Variants in RSRC1 observed in about 807,000 individuals in gnomAD.
RSRC1 encodes arginine and serine rich coiled-coil 1.
In RSRC1, 39 loss-of-function variants were observed where a neutral mutation model predicts 49.1. That is an observed-to-expected ratio of 0.79 (90% confidence interval 0.61 to 1.04). The LOEUF (loss-of-function observed/expected upper bound fraction) is 1.04, where lower values mean the gene tolerates loss of function less well. Ranked by LOEUF, RSRC1 falls within the 50% of genes least tolerant of loss-of-function variation. RSRC1 has a pLI of 0.00. For synonymous variants in RSRC1, 143 were observed against 130.8 expected (o/e 1.09, Z -0.63); for missense variants, 388 against 402.4 (o/e 0.96, Z 0.31).
intron 7 of RSRC1, among the ~76,000 whole-genome samples, chr3:158,475,184 A>G (rs750376562): frequency 1.3e-5 from 2 of 152,090 alleles, no homozygotes; most frequent in Non-Finnish European, 2.9e-5. Context: ...TCGAACTCCC[A>G]AAGTGCTGGG....
intron 5 of RSRC1, among the ~76,000 whole-genome samples, chr3:158,317,047 C>G (rs767074738): frequency 2.0e-5 from 3 of 152,150 alleles, no homozygotes; most frequent in Non-Finnish European, 4.4e-5. Context: ...GACATTTGGA[C>G]AGGCCTCCTC....
chr3:158,126,741 C>G (rs1184832773), intron 3 of RSRC1, among the ~76,000 whole-genome samples: 2 of 152,062 alleles, frequency 1.3e-5, no homozygotes, highest in East Asian at 3.9e-4. Flanking sequence ...CAGGACTCCT[C>G]TTAGTATTTC....
At chr3:158,290,807 T>C (rs1047575460) in intron 4 of RSRC1, among the ~76,000 whole-genome samples, 1 of 152,202 alleles carries the variant, frequency 6.6e-6, no homozygotes, top group Non-Finnish European at 1.5e-5. Context: ...AAATTAACTA[T>C]GATCTTAGCT....
intron 4 of RSRC1, among the ~76,000 whole-genome samples, chr3:158,221,237 C>T (rs541666963): frequency 4.5e-4 from 68 of 151,666 alleles, no homozygotes; most frequent in African/African-American, 1.6e-3. Flanking sequence ...AAGTGTGCTG[C>T]TCTTTTCTTA....
At chr3:158,380,574 T>C (rs1185548070) in intron 6 of RSRC1, among the ~76,000 whole-genome samples, 1 of 152,218 alleles carries the variant, frequency 6.6e-6, no homozygotes, top group Admixed American at 6.5e-5. Context: ...ATTTTATTAA[T>C]CTCTAGTTTG....
chr3:158,386,673 A>G (rs1019463503), intron 6 of RSRC1, among the ~76,000 whole-genome samples: 3 of 152,084 alleles, frequency 2.0e-5, no homozygotes, highest in Non-Finnish European at 2.9e-5. Flanking sequence ...GACTTTCATC[A>G]GAATCCATGT....
chr3:158,113,469 A>G (rs934074159), intron 1 of RSRC1, among the ~76,000 whole-genome samples: 1 of 151,660 alleles, frequency 6.6e-6, no homozygotes. Flanking sequence ...CCCTGGTTCA[A>G]GCAACTCTCC....
At chr3:158,491,838 C>G (rs1400046461) in intron 7 of RSRC1, among the ~76,000 whole-genome samples, 2 of 152,078 alleles carry the variant, frequency 1.3e-5, no homozygotes, top group African/African-American at 4.8e-5. Context: ...GTCATTTATC[C>G]AGAGGTTTTG....
intron 4 of RSRC1, among the ~76,000 whole-genome samples, chr3:158,254,657 C>A (rs1724428264): frequency 6.6e-6 from 1 of 152,084 alleles, no homozygotes; most frequent in African/African-American, 2.4e-5. Flanking sequence ...TGTTCTTGAT[C>A]TTCTGATCTC....
intron 4 of RSRC1, among the ~76,000 whole-genome samples, chr3:158,232,025 CTTG>C (rs930276277): frequency 2.6e-5 from 4 of 152,046 alleles, no homozygotes; most frequent in African/African-American, 9.7e-5. Context: ...TAAAATGTCA[CTTG>C]TTGTTACTTT....
chr3:158,267,145 CT>C (rs1725236479), intron 4 of RSRC1, among the ~76,000 whole-genome samples: 1 of 152,046 alleles, frequency 6.6e-6, no homozygotes, highest in African/African-American at 2.4e-5. Context: ...TTTTTCTTTC[CT>C]CATCACTTTG....
chr3:158,289,768 A>T (rs73029899), intron 4 of RSRC1, among the ~76,000 whole-genome samples: 2,570 of 152,338 alleles, frequency 0.017, 66 homozygotes, highest in African/African-American at 0.059. Flanking sequence ...AAGCATTTTT[A>T]AAAATTGAGT....
intron 6 of RSRC1, among the ~76,000 whole-genome samples, chr3:158,400,813 T>C (rs1009804956): frequency 3.9e-5 from 6 of 152,046 alleles, no homozygotes; most frequent in Admixed American, 6.6e-5. Flanking sequence ...CCTAAGTATA[T>C]AGTGTTTATA....
chr3:158,408,853 G>A (rs1734282458), intron 6 of RSRC1, among the ~76,000 whole-genome samples: 1 of 151,932 alleles, frequency 6.6e-6, no homozygotes, highest in African/African-American at 2.4e-5. Flanking sequence ...CCAACATGGT[G>A]AGACCCCCGT....
intron 6 of RSRC1, among the ~76,000 whole-genome samples, chr3:158,359,984 C>T (rs1175075524): frequency 6.6e-6 from 1 of 152,024 alleles, no homozygotes; most frequent in Non-Finnish European, 1.5e-5. Flanking sequence ...CTCCTCTCTG[C>T]TAGGCAGGTG....
At chr3:158,175,098 T>C (rs935154039) in intron 3 of RSRC1, among the ~76,000 whole-genome samples, 1 of 152,130 alleles carries the variant, frequency 6.6e-6, no homozygotes, top group African/African-American at 2.4e-5. Flanking sequence ...CATGTTTTAG[T>C]TGGCCATGTG....
intron 4 of RSRC1, among the ~76,000 whole-genome samples, chr3:158,266,664 AT>A (rs1725197098): frequency 6.6e-6 from 1 of 152,128 alleles, no homozygotes; most frequent in African/African-American, 2.4e-5. Context: ...ACTTGTTAAA[AT>A]GCATCTTTAG....
intron 3 of RSRC1, among the ~76,000 whole-genome samples, chr3:158,142,022 G>A (rs1047159749): frequency 2.6e-5 from 4 of 152,032 alleles, no homozygotes; most frequent in African/African-American, 7.2e-5. Context: ...CGCTTGAACC[G>A]AGGAGGCAGA....
At chr3:158,434,942 G>A (rs1048804582) in intron 6 of RSRC1, among the ~76,000 whole-genome samples, 5 of 151,996 alleles carry the variant, frequency 3.3e-5, no homozygotes, top group African/African-American at 1.2e-4. Flanking sequence ...TCAAAGTACT[G>A]AAAAGAGATG....
Sources: allele counts gnomAD v4.1 joint callset (sites outside exome capture counted in the v4.1 genomes callset), GRCh38; gene constraint gnomAD v4.1.1; transcripts MANE v1.5; gene names NCBI Gene and HGNC (gene_info 2026-07-23, HGNC 2026-07-21).